MROH2B: variants seen among roughly 807,000 people sequenced by gnomAD.
MROH2B encodes the protein maestro heat-like repeat-containing protein family member 2B.
Under a neutral mutation model 208.6 loss-of-function variants are expected in MROH2B, and 177 were observed. The ratio of observed to expected loss-of-function variants is 0.85; its 90% CI spans 0.75 to 0.96. The LOEUF is 0.96. MROH2B is among the 40% of genes least tolerant of loss of function. The probability of loss-of-function intolerance (pLI) is 0.00; values close to 1 mark genes in which losing one functional copy is unlikely to be tolerated. For synonymous variants in MROH2B, 728 were observed against 659.0 expected, an observed-to-expected ratio of 1.10 and a Z score of -1.60; for missense variants, 2,002 against 1,878.7, an observed-to-expected ratio of 1.07 and a Z score of -1.21.
In MROH2B at chr5:41,027,579, A is replaced by T. The variant is rs199625124; in HGVS notation, c.2441+5163T>A. Among the ~76,000 whole-genome samples the T allele has an allele frequency of 1.2e-4, 19 of 152,340 alleles. No individual in the cohort carries two copies. The East Asian group carries it at 3.7e-3, about 29-fold the overall frequency. On this transcript the variant is annotated intron_variant, in intron 24 of 41. Coordinates refer to ENST00000399564, the MANE Select transcript of MROH2B (RefSeq NM_173489.5). ...GATGTGGAGAAATAGGAACACTTTT[A>T]CACTGTTGGTGGGACGTAAAGTAGT...
At chr5:41,046,351 G>C (rs1200490519) in intron 17 of MROH2B, among the ~76,000 whole-genome samples, 1 of 151,950 alleles carries the variant, frequency 6.6e-6, no homozygotes, top group Non-Finnish European at 1.5e-5. Flanking sequence ...AGTAACTAAA[G>C]ATTCCTGGTT....
rs757648578 is a variant in MROH2B at position 41,061,618 on chromosome 5, C to T, written c.567G>A (p.Leu189=). ...ANRLSDKIFM[L]FWYIMEKWAP... ...CCCACTTCTCCATTATATACCAGAACAGCATGAAGATCTTGTCAGACAGTC... is the reference window on the plus strand; with the variant it reads ...CCCACTTCTCCATTATATACCAGAATAGCATGAAGATCTTGTCAGACAGTC... The change falls in exon 6 of 42, where the codon CTG becomes CTA. Residue 189 remains leucine (L), a synonymous_variant. Transcript: ENST00000399564. 2.5e-6 allele frequency: 4 copies of T among 1,613,906 alleles called. No homozygotes were observed. In the East Asian group the frequency reaches 6.7e-5, roughly 27 times the overall value.
chr5:41,056,959 G>A, intron 9 of MROH2B, 150 bp downstream of exon 9: 2 of 784,376 alleles, frequency 2.5e-6, no homozygotes, highest in Non-Finnish European at 4.2e-6. Context: ...GGGGAGAGGG[G>A]CAGGCACAGA....
At chr5:41,070,256 T>G (rs1743946280) in intron 1 of MROH2B, among the ~76,000 whole-genome samples, 1 of 152,216 alleles carries the variant, frequency 6.6e-6, no homozygotes, top group Non-Finnish European at 1.5e-5. Context: ...TAATGAAGGC[T>G]TCCTGTTTTC....
Position 41,038,900 on chromosome 5 carries a change from G to T in MROH2B, c.2062-12C>A. ...CCAGAAAAAAGGCTCTGAAGACCAG[G>T]AAAGGGAGACATGAAAAATGTGACT... On this transcript the variant is annotated splice_polypyrimidine_tract_variant and intron_variant, in intron 20 of 41. Coordinates refer to ENST00000399564, the MANE Select transcript of MROH2B (RefSeq NM_173489.5). 6.3e-7 allele frequency: 1 copy of T among 1,586,430 alleles called. No individual in the cohort carries two copies.
chr5:41,037,519 G>A (rs79230632), intron 21 of MROH2B, among the ~76,000 whole-genome samples: 8,808 of 152,200 alleles, frequency 0.058, 329 homozygotes, highest in African/African-American at 0.098. Context: ...GTGTGAGGAT[G>A]AGTACCCTAT....
intron 6 of MROH2B, among the ~76,000 whole-genome samples, chr5:41,061,286 T>C (rs1365618786): frequency 1.3e-5 from 2 of 152,232 alleles, no homozygotes; most frequent in Non-Finnish European, 2.9e-5. Context: ...CATACTGAAA[T>C]GTCAATTTCA....
chr5:41,070,396 T>C (rs1391454083), intron 1 of MROH2B, among the ~76,000 whole-genome samples: 4 of 152,208 alleles, frequency 2.6e-5, no homozygotes, highest in African/African-American at 9.7e-5. Context: ...GGCAAGTTGG[T>C]AGGAGAAATA....
At chr5:41,017,666 GAA>G (rs906620054) in intron 28 of MROH2B, among the ~76,000 whole-genome samples, 182 bp downstream of exon 28, 2 of 151,746 alleles carry the variant, frequency 1.3e-5, no homozygotes, top group Non-Finnish European at 2.9e-5. Context: ...GAAACAGAGA[GAA>G]AGAGAGAGAG....
rs1179780012 is a variant in MROH2B at position 40,998,090 on chromosome 5, G to A, written c.4720C>T (p.Leu1574Phe). The change falls in exon 42 of 42, where the codon CTC becomes TTC. Residue 1574 changes from leucine (L) to phenylalanine (F), a missense_variant. Coordinates refer to ENST00000399564, the MANE Select transcript of MROH2B (RefSeq NM_173489.5). The stretch of plus-strand genomic sequence containing the variant: ...CTTGTCTCTTTACACCTTCTCAGGA[G>A]GGTTTGCAAAGCAGCCTCAGCTGCT... ...QRAAEAALQTLLRRCKETSIP... is the reference protein window; with the variant it reads ...QRAAEAALQTFLRRCKETSIP... 2 of 1,612,334 alleles carry A rather than the reference G, an allele frequency of 1.2e-6. No homozygotes were observed. The highest frequency in any genetic ancestry group is 2.7e-5 in the African/African-American group (2 of 74,872).
chr5:41,067,183 C>A lies in MROH2B; in HGVS notation c.126G>T (p.Gln42His), dbSNP rs1343916203. The A allele has an allele frequency of 9.0e-6, 14 of 1,554,550 alleles. No individual in the cohort carries two copies. The highest frequency in any genetic ancestry group is 1.2e-5 in the Non-Finnish European group (14 of 1,147,718). ...DIYSHLTSVIQNTDILDDAIV... is the reference protein window; with the variant it reads ...DIYSHLTSVIHNTDILDDAIV... ...TTGCATCATCCAAGATGTCAGTATT[C>A]TGAATAACAGAAGTGAGATGACTGT... The change falls in exon 3 of 42, where the codon CAG becomes CAT. Residue 42 changes from glutamine to histidine, a missense_variant. Gln to His is a conservative substitution (Grantham distance 24). Transcript: ENST00000399564.
chr5:41,013,858 A>G (rs568360004), intron 29 of MROH2B, among the ~76,000 whole-genome samples: 35 of 152,290 alleles, frequency 2.3e-4, no homozygotes, highest in Non-Finnish European at 1.5e-5. Context: ...TTGCTGATCA[A>G]TTACTCATGT....
In MROH2B at chr5:41,009,350, A is replaced by C; in HGVS notation, c.3350T>G (p.Leu1117Arg). 1 of 1,613,924 alleles carries C rather than the reference A, an allele frequency of 6.2e-7. No homozygotes were observed. Among genetic ancestry groups the C allele is most frequent in the Non-Finnish European group, 8.5e-7 (1 of 1,179,824 alleles). Residue 1117 changes from leucine (L) to arginine (R), a missense_variant, in exon 32 of 42, where the codon CTC (leucine) becomes CGC (arginine). Transcript: ENST00000399564. ...LAEKPASSGKLLQALIDKLET... is the reference protein window; with the variant it reads ...LAEKPASSGKRLQALIDKLET... ...CAGTTTGTCTATTAAGGCTTGCAAG[A>C]GTTTCCCACTGGAGGCTGGCTTTTC...
At chr5:41,054,589 CT>C (rs1317537446) in intron 11 of MROH2B, among the ~76,000 whole-genome samples, 177 bp downstream of exon 11, 1 of 152,122 alleles carries the variant, frequency 6.6e-6, no homozygotes, top group East Asian at 1.9e-4. Context: ...GCTGTGTGTA[CT>C]TTAGGCCTCT....
At chr5:41,057,999 A>G (rs1425638305) in intron 7 of MROH2B, 64 bp downstream of exon 7, 15 of 1,394,566 alleles carry the variant, frequency 1.1e-5, no homozygotes, top group East Asian at 2.7e-5. Context: ...TTTGAGACTT[A>G]AAAGCCTCCC....
Position 41,049,316 on chromosome 5 carries a change from T to C in MROH2B, c.1465A>G (p.Lys489Glu). ...MAEEKKQHSA[K>E]ESTALVVSTG... ...GAGACGACAAGTGCTGTCGACTCCTTGGCACTGTGCTGCTTCTTCTCCTCT... is the reference window on the plus strand; with the variant it reads ...GAGACGACAAGTGCTGTCGACTCCTCGGCACTGTGCTGCTTCTTCTCCTCT... Residue 489 changes from lysine to glutamate, a missense_variant, in exon 14 of 42, where the codon AAG (lysine) becomes GAG (glutamate). Coordinates refer to ENST00000399564, the MANE Select transcript of MROH2B (RefSeq NM_173489.5). 4 of 1,613,696 alleles carry C rather than the reference T, an allele frequency of 2.5e-6. No homozygotes were observed. Among genetic ancestry groups the C allele is most frequent in the Non-Finnish European group, 3.4e-6 (4 of 1,179,736 alleles).
rs575180304 is a variant in MROH2B at position 41,047,808 on chromosome 5, A to T, written c.1685-44T>A. On this transcript the variant is annotated intron_variant, in intron 16 of 41. Coordinates refer to ENST00000399564, the MANE Select transcript of MROH2B (RefSeq NM_173489.5). ...GTAATAATCGCAAAAAAACAAAACC[A>T]CCCCAAGACTCAAATTCTCCCCTCC... 19 of 1,516,600 alleles carry T rather than the reference A, an allele frequency of 1.3e-5. No individual in the cohort carries two copies. The African/African-American group carries it at 2.4e-4, about 19-fold the overall frequency. 93.9% of individuals were successfully genotyped at this position (1,516,600 alleles called of 1,614,324 possible). A position where few individuals can be genotyped will look rare whatever the true frequency, so the allele number is the denominator to read the frequency against.
At chr5:41,041,312 G>C (rs1184947269) in intron 19 of MROH2B, among the ~76,000 whole-genome samples, 1 of 151,890 alleles carries the variant, frequency 6.6e-6, no homozygotes, top group African/African-American at 2.4e-5. Flanking sequence ...TTTTTTGTTG[G>C]TTTATTTGTT....
rs750957417 is a variant in MROH2B, at chr5:41,004,478, A to G, written c.4062T>C (p.Tyr1354=). Residue 1354 remains tyrosine, a synonymous_variant, in exon 37 of 42, where the codon TAT becomes TAC. Coordinates refer to ENST00000399564, the MANE Select transcript of MROH2B (RefSeq NM_173489.5). ...LMLESIIRGL[Y]HLARTEVVCE... is the part of the protein sequence containing the mutation. The stretch of plus-strand genomic sequence containing the variant: ...AGACGACTTCAGTGCGAGCTAGGTG[A>G]TACAGGCCTCTGATGATAGATTCTA... 2.7e-5 allele frequency: 43 copies of G among 1,613,914 alleles called. No individual in the cohort carries two copies. Among genetic ancestry groups the G allele is most frequent in the Non-Finnish European group, 3.6e-5 (42 of 1,179,850 alleles).
Sources: gnomAD v4.1 joint callset for allele counts (sites outside exome capture counted in the v4.1 genomes callset) on GRCh38, gnomAD v4.1.1 for gene constraint, MANE v1.5 for transcripts, NCBI Gene and HGNC (gene_info 2026-07-23, HGNC 2026-07-21) for gene names.